Variants in UBN1 observed in about 807,000 individuals in gnomAD.
The protein encoded by UBN1 is ubinuclein-1.
UBN1 carries 17 observed loss-of-function variants against 108.5 expected under a neutral mutation model. That is an observed-to-expected ratio of 0.16 (90% CI 0.11 to 0.24). UBN1 has a LOEUF of 0.24. UBN1 is among the 10% of genes least tolerant of loss of function. The pLI, the probability that UBN1 is intolerant of heterozygous loss-of-function variation, is 1.00. For missense variants in UBN1, 1,595 were observed against 1,394.4 expected, an observed-to-expected ratio of 1.14 and a Z score of -2.29; for synonymous variants, 726 against 564.2, an observed-to-expected ratio of 1.29 and a Z score of -4.07.
chr16:4,849,175 A>G (rs1169700367), intron 1 of UBN1, among the ~76,000 whole-genome samples: 1 of 152,226 alleles, frequency 6.6e-6, no homozygotes, highest in Non-Finnish European at 1.5e-5. Flanking sequence ...TCCCCTTAAC[A>G]TCAGAAACAT....
At chr16:4,876,772 T>G in intron 15 of UBN1, 99 bp from the exon 16 acceptor site, 4 of 1,495,446 alleles carry the variant, frequency 2.7e-6, no homozygotes, top group Non-Finnish European at 3.6e-6. Flanking sequence ...TGTCCTCCTT[T>G]GTGGACACAC....
At position 4,860,851 on chromosome 16, in the gene UBN1, G is replaced by C. The variant is rs201628298; in HGVS notation, c.859G>C (p.Asp287His). 2.5e-6 allele frequency: 4 copies of C among 1,614,262 alleles called. No homozygotes were observed. Among genetic ancestry groups the C allele is most frequent in the South Asian group, 2.2e-5 (2 of 91,084 alleles). ...CCTGCGGGAACTGGAGGGTGCCTCTGACCCCTTGCTCTCACTCTTTGGCTC... is the reference window on the plus strand; with the variant it reads ...CCTGCGGGAACTGGAGGGTGCCTCTCACCCCTTGCTCTCACTCTTTGGCTC... The part of the protein sequence containing the change: ...QGLRELEGAS[D>H]PLLSLFGSTS... Residue 287 changes from aspartate to histidine, a missense_variant, in exon 7 of 18, where the codon GAC becomes CAC. Around this residue, in one of 3 missense-constraint regions of UBN1, gnomAD observed 1,398 missense variants for 1,194.7 expected, o/e 1.17. Coordinates refer to ENST00000262376, the MANE Select transcript of UBN1 (RefSeq NM_001079514.3).
At chr16:4,863,216 C>G (rs1006909416) in intron 7 of UBN1, among the ~76,000 whole-genome samples, 3 of 152,050 alleles carry the variant, frequency 2.0e-5, no homozygotes, top group Non-Finnish European at 4.4e-5. Context: ...TTATAAAGCC[C>G]TCATGACTTT....
At position 4,860,034 on chromosome 16, in the gene UBN1, G is replaced by T; in HGVS notation, c.671+66G>T. 3.1e-6 allele frequency: 5 copies of T among 1,593,670 alleles called. No individual in the cohort carries two copies. The South Asian group carries it at 3.4e-5, about 11-fold the overall frequency. ...TGTTAGGGCAGGACGACTGGGAGCT[G>T]ACTCACCTCCTCCCCACAGCTTCGG... is the stretch of plus-strand genomic sequence containing the variant. On this transcript the variant is annotated intron_variant, in intron 6 of 17. Transcript: ENST00000262376.
At chr16:4,871,882 G>A (rs1365125776) in intron 12 of UBN1, among the ~76,000 whole-genome samples, 5 of 152,050 alleles carry the variant, frequency 3.3e-5, no homozygotes, top group African/African-American at 7.2e-5. Flanking sequence ...CACCACACCC[G>A]GCCACACTTC....
intron 12 of UBN1, 47 bp from the exon 13 acceptor site, chr16:4,872,837 C>G (rs765155108): frequency 3.8e-5 from 62 of 1,611,984 alleles, no homozygotes; most frequent in Non-Finnish European, 5.3e-5. Context: ...AGCAGAGTCC[C>G]AGCTTTCTGG....
At chr16:4,870,012 A>G (rs969170471) in intron 8 of UBN1, among the ~76,000 whole-genome samples, 200 bp from the exon 9 acceptor site, 2 of 152,250 alleles carry the variant, frequency 1.3e-5, no homozygotes, top group East Asian at 1.9e-4. Context: ...TTACCTAGCC[A>G]TGTTCATCAG....
At chr16:4,870,084 A>G in intron 8 of UBN1, 128 bp from the exon 9 acceptor site, 1 of 1,385,396 alleles carries the variant, frequency 7.2e-7, no homozygotes, top group Admixed American at 2.1e-5. Flanking sequence ...ATTCAGTTAC[A>G]TTGTGTGACC....
Position 4,861,058 on chromosome 16 carries a change from G to T in UBN1, c.1066G>T (p.Gly356Cys). 1 of 1,613,966 alleles carries T rather than the reference G, an allele frequency of 6.2e-7. No individual in the cohort carries two copies. Residue 356 changes from glycine (G) to cysteine (C), a missense_variant, in exon 7 of 18, where the codon GGC becomes TGC. Transcript: ENST00000262376. ...EFRQPSSLPEGLPAPLEKRVK... is the reference protein window; with the variant it reads ...EFRQPSSLPECLPAPLEKRVK... ...CAGGCAGCCCTCTTCTCTCCCCGAAGGCCTGCCAGCACCCCTGGAGAAGCG... is the reference window on the plus strand; with the variant it reads ...CAGGCAGCCCTCTTCTCTCCCCGAATGCCTGCCAGCACCCCTGGAGAAGCG...
At chr16:4,864,075 CTTTTTT>C (rs796516323) in intron 7 of UBN1, among the ~76,000 whole-genome samples, 5 of 86,430 alleles carry the variant, frequency 5.8e-5, no homozygotes, top group Admixed American at 1.5e-4. Flanking sequence ...TTGTTGTTGC[CTTTTTT>C]TTTTTTTTTT....
intron 17 of UBN1, among the ~76,000 whole-genome samples, chr16:4,879,205 C>A (rs1178467916): frequency 6.6e-6 from 1 of 152,118 alleles, no homozygotes; most frequent in Admixed American, 6.5e-5. Flanking sequence ...GATGGATATG[C>A]TAATAACTCT....
At position 4,852,862 on chromosome 16, in the gene UBN1, C is replaced by A; in HGVS notation, c.-39-17C>A. 6.5e-7 allele frequency: 1 copy of A among 1,549,348 alleles called. No individual in the cohort carries two copies. The highest frequency in any genetic ancestry group is 8.7e-7 in the Non-Finnish European group (1 of 1,146,712). Reference sequence around the variant, plus strand: ...ATCATCTTCGTTTGACCTGGCCCTTCTTTTCAATGTTAACAGAAGCCATGC... The same window carrying A: ...ATCATCTTCGTTTGACCTGGCCCTTATTTTCAATGTTAACAGAAGCCATGC... On this transcript the variant is annotated splice_polypyrimidine_tract_variant and intron_variant, in intron 1 of 17. Transcript: ENST00000262376.
chr16:4,850,354 G>T (rs1201542690), intron 1 of UBN1, among the ~76,000 whole-genome samples: 2 of 152,180 alleles, frequency 1.3e-5, no homozygotes, highest in Non-Finnish European at 2.9e-5. Context: ...ACTGAGATAA[G>T]GTTATGTGTT....
intron 9 of UBN1, 69 bp downstream of exon 9, chr16:4,870,410 A>G (rs1396313304): frequency 1.2e-5 from 20 of 1,610,030 alleles, no homozygotes; most frequent in Non-Finnish European, 1.7e-5. Context: ...GTCTTAAGCA[A>G]TGATGCGTCT....
At chr16:4,871,043 T>G in intron 11 of UBN1, 71 bp downstream of exon 11, 1 of 1,604,830 alleles carries the variant, frequency 6.2e-7, no homozygotes, top group Non-Finnish European at 8.5e-7. Flanking sequence ...CCCCTATTGC[T>G]GACAAAGGTT....
chr16:4,860,593 G>A, intron 6 of UBN1, 71 bp from the exon 7 acceptor site: 1 of 1,465,154 alleles, frequency 6.8e-7, no homozygotes, highest in Non-Finnish European at 9.1e-7. Flanking sequence ...TGGGAGCAGG[G>A]GTGAAGGCCT....
At chr16:4,870,728 C>G (rs1567939425) in intron 10 of UBN1, 94 bp downstream of exon 10, 5 of 1,585,926 alleles carry the variant, frequency 3.2e-6, no homozygotes, top group Non-Finnish European at 4.3e-6. Context: ...CAAGGAGCCT[C>G]TTGGCTCTTC....
At chr16:4,852,379 T>C (rs1269489952) in intron 1 of UBN1, 1 of 153,524 alleles carries the variant, frequency 6.5e-6, no homozygotes, top group East Asian at 1.9e-4. Flanking sequence ...GAAGTGAGCC[T>C]AGCCACACCC....
chr16:4,871,396 G>A (rs1029878360), intron 12 of UBN1, 95 bp downstream of exon 12: 8 of 1,517,850 alleles, frequency 5.3e-6, no homozygotes, highest in South Asian at 2.6e-5. Context: ...CTCACAGGGA[G>A]TCACTGTCTA....
Sources: gnomAD v4.1 joint callset for allele counts (sites outside exome capture counted in the v4.1 genomes callset) on GRCh38, gnomAD v4.1.1 for gene constraint, gnomAD v4.1.1 regional missense constraint, MANE v1.5 for transcripts, NCBI Gene and HGNC (gene_info 2026-07-23, HGNC 2026-07-21) for gene names.